Variants in DOK5 observed in about 807,000 individuals in gnomAD.
The protein encoded by DOK5 is downstream of tyrosine kinase 5.
DOK5 carries 27 observed loss-of-function variants against 43.3 expected under a neutral mutation model. That is an observed-to-expected ratio of 0.62 (90% CI 0.46 to 0.86). The LOEUF (loss-of-function observed/expected upper bound fraction) is 0.86, where lower values mean the gene tolerates loss of function less well. Among genes scored for constraint, DOK5 ranks in the 40% least tolerant of loss-of-function variants. The pLI is 0.00. For missense variants in DOK5, 373 were observed against 392.9 expected (o/e 0.95, Z 0.43); for synonymous variants, 146 against 140.1 (o/e 1.04, Z -0.30).
At chr20:54,623,088 G>C (rs149314033) in intron 6 of DOK5, among the ~76,000 whole-genome samples, 556 of 152,196 alleles carry the variant, frequency 3.7e-3, no homozygotes, top group Admixed American at 9.9e-3. Flanking sequence ...AAGCAAATTG[G>C]AACGCGTAGT....
intron 2 of DOK5, among the ~76,000 whole-genome samples, chr20:54,585,532 G>A (rs541550556): frequency 7.2e-4 from 110 of 152,246 alleles, no homozygotes; most frequent in Non-Finnish European, 3.2e-4. Flanking sequence ...AATAAAGTTG[G>A]CACACGTGCT....
At chr20:54,541,806 C>T (rs1984169240) in intron 1 of DOK5, among the ~76,000 whole-genome samples, 1 of 152,140 alleles carries the variant, frequency 6.6e-6, no homozygotes, top group African/African-American at 2.4e-5. Flanking sequence ...ACTGCCAGCC[C>T]TGAACTCTTC....
chr20:54,522,950 T>C (rs920458070), intron 1 of DOK5, among the ~76,000 whole-genome samples: 45 of 152,324 alleles, frequency 3.0e-4, no homozygotes, highest in African/African-American at 1.1e-3. Context: ...TAAGTAAGGT[T>C]GAGTGGGTTT....
At chr20:54,569,033 G>T (rs573165072) in intron 2 of DOK5, among the ~76,000 whole-genome samples, 3 of 147,482 alleles carry the variant, frequency 2.0e-5, no homozygotes, top group Admixed American at 6.8e-5. Context: ...AGTCCCTGCC[G>T]TCAGAAAAAA....
intron 1 of DOK5, among the ~76,000 whole-genome samples, chr20:54,485,768 C>T (rs1178105388): frequency 6.6e-6 from 1 of 152,226 alleles, no homozygotes; most frequent in Non-Finnish European, 1.5e-5. Context: ...TTTACATTCA[C>T]ATTAGCAATG....
At chr20:54,496,671 C>T (rs950337731) in intron 1 of DOK5, among the ~76,000 whole-genome samples, 11 of 143,312 alleles carry the variant, frequency 7.7e-5, no homozygotes, top group African/African-American at 2.9e-4. Flanking sequence ...GAGGCTGAGG[C>T]AGGAGAATGG....
At chr20:54,480,729 C>A (rs1431713925) in intron 1 of DOK5, among the ~76,000 whole-genome samples, 1 of 152,192 alleles carries the variant, frequency 6.6e-6, no homozygotes, top group Admixed American at 6.5e-5. Context: ...CCATATACTG[C>A]AGAGAAGTCT....
chr20:54,641,703 C>A (rs540678292), intron 6 of DOK5, among the ~76,000 whole-genome samples: 10 of 152,204 alleles, frequency 6.6e-5, no homozygotes, highest in Middle Eastern at 3.4e-3. Context: ...TTCATATGAG[C>A]AACTAAAATG....
rs570480783 is a variant in DOK5, at chr20:54,539,974, A to G, written c.67-14959A>G. Among the ~76,000 whole-genome samples the G allele has an allele frequency of 3.3e-5, 5 of 152,312 alleles. No homozygotes were observed. In the South Asian group the frequency reaches 1.0e-3, roughly 32 times the overall value. On this transcript the variant is annotated intron_variant, in intron 1 of 7. Transcript: ENST00000262593. ...CTTATCTCTTGTCAGAGAAGAATAT[A>G]ACACTTTGGAGGCTGGCCTATTATG...
intron 1 of DOK5, among the ~76,000 whole-genome samples, chr20:54,508,868 C>G (rs1164213793): frequency 6.6e-6 from 1 of 151,872 alleles, no homozygotes; most frequent in Non-Finnish European, 1.5e-5. Context: ...GTGTGAGCCA[C>G]TGTGCCCAGC....
intron 5 of DOK5, among the ~76,000 whole-genome samples, chr20:54,604,297 C>G (rs1986396315): frequency 6.7e-6 from 1 of 149,772 alleles, no homozygotes. Flanking sequence ...AGTAAACATT[C>G]TGTGCTTTTT....
rs754969106 is a variant in DOK5, at chr20:54,588,729, G to A, written c.332G>A (p.Cys111Tyr). 2 of 1,613,978 alleles carry A rather than the reference G, an allele frequency of 1.2e-6. No individual in the cohort carries two copies. Among genetic ancestry groups the A allele is most frequent in the African/African-American group, 1.3e-5 (1 of 74,914 alleles). The change falls in exon 4 of 8, where the codon TGT becomes TAT. Residue 111 changes from cysteine (C) to tyrosine (Y), a missense_variant. Transcript: ENST00000262593. ...DEWCKVLQME[C>Y]VGTRINDISL... ...TGGTGCAAAGTACTCCAGATGGAGT[G>A]TGTAGGAACACGGATCAATGACATC...
intron 2 of DOK5, among the ~76,000 whole-genome samples, chr20:54,568,202 C>T (rs1440802407): frequency 6.6e-6 from 1 of 152,110 alleles, no homozygotes; most frequent in Admixed American, 6.5e-5. Context: ...CACATAATGA[C>T]ATAAGAAAAA....
chr20:54,645,925 C>CAAAAAAAAAAAAAAAAAAAA (rs550943378), intron 7 of DOK5, among the ~76,000 whole-genome samples: 13 of 85,878 alleles, frequency 1.5e-4, no homozygotes, highest in African/African-American at 4.8e-4. Context: ...GCAGATGCTG[C>CAAAAAAAAAAAAAAAAAAAA]AAAAAAAAAA....
chr20:54,629,246 C>G (rs185111818), intron 6 of DOK5, among the ~76,000 whole-genome samples: 305 of 152,328 alleles, frequency 2.0e-3, no homozygotes, highest in African/African-American at 6.8e-3. Flanking sequence ...ATGCACTTAA[C>G]ATATCCCTCA....
intron 1 of DOK5, 101 bp downstream of exon 1, chr20:54,476,113 C>T: frequency 6.4e-7 from 1 of 1,565,078 alleles, no homozygotes; most frequent in Non-Finnish European, 8.7e-7. Context: ...GGCCGCGCGC[C>T]GGAGAATTGC....
chr20:54,635,517 G>A (rs971065598), intron 6 of DOK5, among the ~76,000 whole-genome samples: 2 of 152,084 alleles, frequency 1.3e-5, no homozygotes, highest in African/African-American at 2.4e-5. Context: ...CAGGCCTTTC[G>A]ATAAATTCCT....
At chr20:54,488,765 C>CTTCCCTCCCTCCCG (rs1216016374) in intron 1 of DOK5, among the ~76,000 whole-genome samples, 84 of 147,024 alleles carry the variant, frequency 5.7e-4, no homozygotes, top group African/African-American at 2.1e-3. Flanking sequence ...TTCCCTACCC[C>CTTCCCTCCCTCCCG]TCCCCTCCCT....
At chr20:54,491,596 C>A (rs1274492029) in intron 1 of DOK5, among the ~76,000 whole-genome samples, 13 of 152,182 alleles carry the variant, frequency 8.5e-5, no homozygotes, top group Non-Finnish European at 1.5e-4. Context: ...ACTGCTTACA[C>A]CTCGGCTTCC....
Sources: gnomAD v4.1 joint callset for allele counts (sites outside exome capture counted in the v4.1 genomes callset) on GRCh38, gnomAD v4.1.1 for gene constraint, MANE v1.5 for transcripts, NCBI Gene and HGNC (gene_info 2026-07-23, HGNC 2026-07-21) for gene names.